Variants in KDM4B observed in about 807,000 individuals in gnomAD.
KDM4B encodes lysine demethylase 4B.
KDM4B carries 32 observed loss-of-function variants against 125.2 expected under a neutral mutation model. That is an observed-to-expected ratio of 0.26 (90% CI 0.19 to 0.34). The LOEUF (loss-of-function observed/expected upper bound fraction) is 0.34, where lower values mean the gene tolerates loss of function less well. KDM4B is among the 10% of genes least tolerant of loss of function. KDM4B has a pLI of 1.00. For missense variants in KDM4B, 1,190 were observed against 1,577.7 expected, an observed-to-expected ratio of 0.75 and a Z score of 4.16; for synonymous variants, 721 against 677.9, an observed-to-expected ratio of 1.06 and a Z score of -0.99.
At chr19:4,994,565 CAAAAAAAAAAA>C (rs397820720) in intron 1 of KDM4B, among the ~76,000 whole-genome samples, 38 of 45,694 alleles carry the variant, frequency 8.3e-4, no homozygotes, top group African/African-American at 2.8e-3. Context: ...CTCTGTCTCT[CAAAAAAAAAAA>C]AAAAAAAAAA....
At chr19:4,973,574 T>C (rs936141169) in intron 1 of KDM4B, among the ~76,000 whole-genome samples, 1 of 152,194 alleles carries the variant, frequency 6.6e-6, no homozygotes, top group African/African-American at 2.4e-5. Flanking sequence ...TCCCAAATAC[T>C]GAGGGGGGAG....
chr19:5,111,981 C>T (rs773884124), intron 10 of KDM4B: 57 of 626,854 alleles, frequency 9.1e-5, no homozygotes, highest in South Asian at 5.8e-4. Context: ...TGGCCAGGCA[C>T]GATCGCTCAC....
At chr19:5,075,824 G>C (rs568228455) in intron 7 of KDM4B, 1 of 152,908 alleles carries the variant, frequency 6.5e-6, no homozygotes, top group Admixed American at 6.5e-5. Context: ...TGGTGGTGCT[G>C]GGGCCGAGGG....
At chr19:5,119,255 A>G (rs1208678221) in intron 10 of KDM4B, 1 of 1,349,746 alleles carries the variant, frequency 7.4e-7, no homozygotes, top group Admixed American at 2.0e-5. Flanking sequence ...TCGTCTAGGC[A>G]TTTTCCATGA....
At chr19:4,969,415 C>T (rs2145255218) in intron 1 of KDM4B, among the ~76,000 whole-genome samples, 185 bp downstream of exon 1, 1 of 147,384 alleles carries the variant, frequency 6.8e-6, no homozygotes. Flanking sequence ...CGTTAACCGC[C>T]CGGCCCGGGG....
intron 1 of KDM4B, among the ~76,000 whole-genome samples, chr19:4,976,047 C>T (rs887773787): frequency 6.6e-6 from 1 of 151,102 alleles, no homozygotes; most frequent in Non-Finnish European, 1.5e-5. Flanking sequence ...GTCAGGAGTT[C>T]GAGACCATCC....
intron 1 of KDM4B, among the ~76,000 whole-genome samples, chr19:4,999,867 A>G (rs943239650): frequency 2.4e-5 from 3 of 123,406 alleles, no homozygotes; most frequent in Non-Finnish European, 4.9e-5. Context: ...CCATCCATCC[A>G]TCCACCCACG....
chr19:5,002,375 T>C (rs2035413639), intron 1 of KDM4B, among the ~76,000 whole-genome samples: 1 of 151,044 alleles, frequency 6.6e-6, no homozygotes, highest in South Asian at 2.1e-4. Flanking sequence ...CTGCAGAGTG[T>C]TTTTTTTTCT....
At chr19:5,063,889 C>G (rs908440850) in intron 6 of KDM4B, among the ~76,000 whole-genome samples, 1 of 152,234 alleles carries the variant, frequency 6.6e-6, no homozygotes, top group Admixed American at 6.5e-5. Context: ...AGAGGAGCCA[C>G]CCTGGCCCGG....
At chr19:4,972,596 G>A (rs2034299217) in intron 1 of KDM4B, among the ~76,000 whole-genome samples, 1 of 152,206 alleles carries the variant, frequency 6.6e-6, no homozygotes, top group African/African-American at 2.4e-5. Context: ...CCCCTAAGCG[G>A]TAGCAACCAA....
rs1337098061 is a variant in KDM4B at position 5,047,517 on chromosome 19, G to C, written c.474G>C (p.Leu158=). ...QWNIGSLRTI[L]DMVERECGTI... is the part of the protein sequence containing the mutation. ...ACATCGGGAGCCTCCGGACCATCCT[G>C]GACATGGTGGAGCGCGAGTGCGGCA... Residue 158 remains leucine (L), a synonymous_variant, in exon 6 of 23, where the codon CTG becomes CTC. Transcript: ENST00000159111. The C allele has an allele frequency of 1.2e-6, 2 of 1,613,642 alleles. No individual in the cohort carries two copies. The highest frequency in any genetic ancestry group is 1.7e-6 in the Non-Finnish European group (2 of 1,179,792).
At chr19:5,146,956 A>AAC (rs1555722987) in intron 21 of KDM4B, among the ~76,000 whole-genome samples, 2 of 150,558 alleles carry the variant, frequency 1.3e-5, no homozygotes, top group Admixed American at 6.6e-5. Context: ...AAAAAAAAAA[A>AAC]AAAAAACAAA....
chr19:5,125,139 C>T (rs140731271), intron 11 of KDM4B, among the ~76,000 whole-genome samples: 3 of 152,354 alleles, frequency 2.0e-5, no homozygotes, highest in Non-Finnish European at 4.4e-5. Context: ...GGCTCCGCCT[C>T]AGCCTCCCAA....
chr19:5,129,187 G>A (rs2039501709), intron 11 of KDM4B, among the ~76,000 whole-genome samples: 1 of 152,198 alleles, frequency 6.6e-6, no homozygotes, highest in Admixed American at 6.5e-5. Context: ...GAGGAGAGCT[G>A]GAGCAGGGAG....
intron 2 of KDM4B, among the ~76,000 whole-genome samples, chr19:5,025,530 G>A (rs986939548): frequency 1.3e-5 from 2 of 152,154 alleles, no homozygotes; most frequent in Admixed American, 6.5e-5. Flanking sequence ...TAGAAATTTC[G>A]GTTGGATCGT....
chr19:5,059,351 G>T (rs2037510525), intron 6 of KDM4B, among the ~76,000 whole-genome samples: 1 of 152,242 alleles, frequency 6.6e-6, no homozygotes, highest in African/African-American at 2.4e-5. Flanking sequence ...GCGCAGGATG[G>T]GGCCGATGAC....
At chr19:5,117,220 G>T (rs1361613963) in intron 10 of KDM4B, among the ~76,000 whole-genome samples, 1 of 152,104 alleles carries the variant, frequency 6.6e-6, no homozygotes, top group African/African-American at 2.4e-5. Flanking sequence ...GGGGCCCTCT[G>T]GGGCAGACAC....
chr19:5,078,947 C>T lies in KDM4B; in HGVS notation c.780+1477C>T, dbSNP rs1157892110. The T allele has an allele frequency of 6.6e-6, 1 of 152,178 alleles. No homozygotes were observed. Among genetic ancestry groups the T allele is most frequent in the Non-Finnish European group, 1.5e-5 (1 of 68,052 alleles). The allele number at this position is 152,178 out of a possible 1,614,324, so 9.4% of individuals were successfully genotyped here. ...CTGCAGCGAACAGCACCCTGTGCCG[C>T]CCGGCCTGGGGACCGTCCTTCAGCC... On this transcript the variant is annotated intron_variant, in intron 8 of 22. Coordinates refer to ENST00000159111, the MANE Select transcript of KDM4B (RefSeq NM_015015.3). This position sits in a 1 kb window ranked among gnomAD's most constrained non-coding sequence, Gnocchi z 4.5.
chr19:5,094,663 T>G (rs939379024), intron 9 of KDM4B, among the ~76,000 whole-genome samples: 1 of 151,906 alleles, frequency 6.6e-6, no homozygotes, highest in African/African-American at 2.4e-5. Flanking sequence ...GACTTGGGCA[T>G]GTAGGTGTGC....
Sources: gnomAD v4.1 joint callset for allele counts (sites outside exome capture counted in the v4.1 genomes callset) on GRCh38, gnomAD v4.1.1 for gene constraint, Gnocchi (gnomAD v3.1) non-coding constraint, MANE v1.5 for transcripts, NCBI Gene and HGNC (gene_info 2026-07-23, HGNC 2026-07-21) for gene names.